NRSN1: variants seen among roughly 807,000 people sequenced by gnomAD.
The protein encoded by NRSN1 is neurensin-1.
A neutral mutation model predicts 17.3 loss-of-function variants in NRSN1; 14 were observed. The ratio of observed to expected loss-of-function variants is 0.81; its 90% CI spans 0.54 to 1.27. The LOEUF is 1.27. Among genes scored for constraint, NRSN1 ranks in the 50% most tolerant of loss-of-function variants. NRSN1 has a pLI of 0.00. For synonymous variants in NRSN1, 79 were observed against 94.2 expected, an observed-to-expected ratio of 0.84 and a Z score of 0.93; for missense variants, 209 against 235.9, an observed-to-expected ratio of 0.89 and a Z score of 0.75.
chr6:24,134,004 T>TTGTGTGTG (rs71002461), intron 2 of NRSN1, among the ~76,000 whole-genome samples: 9,710 of 132,808 alleles, frequency 0.073, 455 homozygotes, highest in African/African-American at 0.13. Flanking sequence ...ACCCAGCTAA[T>TTGTGTGTG]TGTGTGTGTG....
At chr6:24,137,885 G>A (rs116601320) in intron 3 of NRSN1, among the ~76,000 whole-genome samples, 137 of 152,168 alleles carry the variant, frequency 9.0e-4, no homozygotes, top group African/African-American at 3.0e-3. Flanking sequence ...AAGCAGGAAC[G>A]GGGCATCCCA....
At chr6:24,138,941 T>A (rs1237360472) in intron 3 of NRSN1, among the ~76,000 whole-genome samples, 1 of 152,238 alleles carries the variant, frequency 6.6e-6, no homozygotes, top group Non-Finnish European at 1.5e-5. Context: ...CAAACTAACA[T>A]GTACATTACC....
Position 24,145,299 on chromosome 6 carries a change from TAA to T in NRSN1, c.190-248_190-247del, listed in dbSNP as rs1760285256. Reference sequence around the variant, plus strand: ...CAATATATGTATATCTTTAGATATATAATATATATATATGATATATACATATA... The same window carrying T: ...CAATATATGTATATCTTTAGATATATTATATATATATGATATATACATATA... On this transcript the variant is annotated intron_variant, in intron 3 of 3. Coordinates refer to ENST00000378491, the MANE Select transcript of NRSN1 (RefSeq NM_080723.5). This position sits in a 1 kb window ranked among gnomAD's most constrained non-coding sequence, Gnocchi z 4.4. Among the ~76,000 whole-genome samples, 1 of 145,252 alleles carries T rather than the reference TAA, an allele frequency of 6.9e-6. No individual in the cohort carries two copies. Among genetic ancestry groups the T allele is most frequent in the Non-Finnish European group, 1.5e-5 (1 of 65,182 alleles).
intron 3 of NRSN1, among the ~76,000 whole-genome samples, chr6:24,144,138 G>A (rs575681512): frequency 6.6e-6 from 1 of 152,276 alleles, no homozygotes; most frequent in East Asian, 1.9e-4. Flanking sequence ...ACCCCAAATA[G>A]CTACATGTGA....
At chr6:24,142,845 G>T (rs1315304261) in intron 3 of NRSN1, among the ~76,000 whole-genome samples, 1 of 152,190 alleles carries the variant, frequency 6.6e-6, no homozygotes, top group Non-Finnish European at 1.5e-5. Flanking sequence ...TCCACAGGGT[G>T]GAAAGAGACC....
chr6:24,134,261 CT>C, intron 2 of NRSN1, 57 bp from the exon 3 acceptor site: 1 of 1,399,370 alleles, frequency 7.1e-7, no homozygotes, highest in Non-Finnish European at 1.0e-6. Context: ...TTTCATATGT[CT>C]TTTGATCCTG....
At chr6:24,127,004 G>C (rs563300133) in intron 1 of NRSN1, among the ~76,000 whole-genome samples, 2 of 152,294 alleles carry the variant, frequency 1.3e-5, no homozygotes, top group East Asian at 3.9e-4. Flanking sequence ...GCCAGCCTTT[G>C]GTGAAGGGCA....
chr6:24,132,707 G>A (rs1760054874), intron 2 of NRSN1, among the ~76,000 whole-genome samples: 1 of 151,992 alleles, frequency 6.6e-6, no homozygotes. Context: ...TTTAAGTTCT[G>A]GGATACATGT....
intron 3 of NRSN1, among the ~76,000 whole-genome samples, chr6:24,141,995 A>G (rs1042120977): frequency 3.9e-5 from 6 of 152,238 alleles, no homozygotes; most frequent in African/African-American, 1.4e-4. Context: ...GCATGTCACC[A>G]TGGATAGTTA....
chr6:24,140,987 A>G, intron 3 of NRSN1: 3 of 1,443,914 alleles, frequency 2.1e-6, no homozygotes, highest in Non-Finnish European at 2.7e-6. Context: ...ACAGCACAAA[A>G]ACTGTCCTCG....
intron 3 of NRSN1, 115 bp downstream of exon 3, chr6:24,134,631 G>A: frequency 1.2e-6 from 1 of 810,464 alleles, no homozygotes; most frequent in Non-Finnish European, 1.9e-6. Flanking sequence ...ATCACTCTTG[G>A]TGATACTAAA....
chr6:24,145,508 T>C lies in NRSN1; in HGVS notation c.190-40T>C. 6.6e-7 allele frequency: 1 copy of C among 1,504,466 alleles called. No individual in the cohort carries two copies. The highest frequency in any genetic ancestry group is 8.9e-7 in the Non-Finnish European group (1 of 1,119,596). The allele number at this position is 1,504,466 out of a possible 1,614,324, so 93.2% of individuals were successfully genotyped here. ...GGGCTCAGGGGCGAGCCGAAGCACC[T>C]TCCTCACTCTATCTTGCTTCTGTCA... On this transcript the variant is annotated intron_variant, in intron 3 of 3. Coordinates refer to ENST00000378491, the MANE Select transcript of NRSN1 (RefSeq NM_080723.5). The surrounding 1 kb of genome is among the most constrained non-coding windows in gnomAD (Gnocchi z 4.4).
At chr6:24,141,044 CG>C in intron 3 of NRSN1, 1 of 1,473,340 alleles carries the variant, frequency 6.8e-7, no homozygotes, top group Non-Finnish European at 9.0e-7. Context: ...CCTTCTCTGT[CG>C]CCATTGGGAT....
At chr6:24,129,738 T>G (rs1393834546) in intron 2 of NRSN1, 2 of 152,216 alleles carry the variant, frequency 1.3e-5, no homozygotes, top group Non-Finnish European at 2.9e-5. Flanking sequence ...TCATTTAATG[T>G]ATAACAGTGC....
At chr6:24,130,332 T>C (rs1760008887) in intron 2 of NRSN1, among the ~76,000 whole-genome samples, 1 of 152,196 alleles carries the variant, frequency 6.6e-6, no homozygotes, top group African/African-American at 2.4e-5. Context: ...AGTGACTTTA[T>C]GATGTGACCT....
At chr6:24,130,395 A>G (rs1211698987) in intron 2 of NRSN1, among the ~76,000 whole-genome samples, 1 of 152,206 alleles carries the variant, frequency 6.6e-6, no homozygotes, top group African/African-American at 2.4e-5. Flanking sequence ...TAAGATTCCA[A>G]ATAACTGTAA....
At chr6:24,136,056 G>C (rs2113713965) in intron 3 of NRSN1, among the ~76,000 whole-genome samples, 1 of 152,282 alleles carries the variant, frequency 6.6e-6, no homozygotes, top group East Asian at 1.9e-4. Flanking sequence ...GACTACATGA[G>C]CTCAAACCCC....
chr6:24,126,218 A>G lies in NRSN1; in HGVS notation c.-205A>G, dbSNP rs1288807175. ...CGGGCACGCGGGACTCCCAGCTGTC[A>G]ATCAGGCGCGGGCTGAGCTCTACGA... On this transcript the variant is annotated 5_prime_UTR_variant, in exon 1 of 4. Coordinates refer to ENST00000378491, the MANE Select transcript of NRSN1 (RefSeq NM_080723.5). The G allele has an allele frequency of 3.8e-5, 7 of 185,020 alleles. No individual in the cohort carries two copies. The South Asian group carries it at 1.1e-3, about 30-fold the overall frequency. 11.5% of individuals were successfully genotyped at this position (185,020 alleles called of 1,614,324 possible). A position where few individuals can be genotyped will look rare whatever the true frequency, so the allele number is the denominator to read the frequency against.
chr6:24,146,042 C>A lies in NRSN1; in HGVS notation c.*96C>A. On this transcript the variant is annotated 3_prime_UTR_variant, in exon 4 of 4. Coordinates refer to ENST00000378491, the MANE Select transcript of NRSN1 (RefSeq NM_080723.5). ...ATAAAGAAGATTTGGCGTTGACTGCCCTAGGGCTGTGTTCAGCTGTGGGCA... is the reference window on the plus strand; with the variant it reads ...ATAAAGAAGATTTGGCGTTGACTGCACTAGGGCTGTGTTCAGCTGTGGGCA... 2.4e-6 allele frequency: 3 copies of A among 1,267,310 alleles called. No individual in the cohort carries two copies. Among genetic ancestry groups the A allele is most frequent in the Non-Finnish European group, 3.4e-6 (3 of 872,076 alleles). 78.5% of individuals were successfully genotyped at this position (1,267,310 alleles called of 1,614,324 possible).
Sources: allele counts gnomAD v4.1 joint callset (sites outside exome capture counted in the v4.1 genomes callset), GRCh38; gene constraint gnomAD v4.1.1; non-coding constraint Gnocchi (gnomAD v3.1); transcripts MANE v1.5; gene names NCBI Gene and HGNC (gene_info 2026-07-23, HGNC 2026-07-21).